RALYL: variants seen among roughly 807,000 people sequenced by gnomAD.
RALYL encodes RALY RNA binding protein like.
RALYL carries 29 observed loss-of-function variants against 35.1 expected under a neutral mutation model. That is an observed-to-expected ratio of 0.83 (90% confidence interval 0.61 to 1.13). The LOEUF (loss-of-function observed/expected upper bound fraction) is 1.13, where lower values mean the gene tolerates loss of function less well. Among genes scored for constraint, RALYL ranks in the 50% most tolerant of loss-of-function variants. The probability of loss-of-function intolerance (pLI) is 0.00; values close to 1 mark genes in which losing one functional copy is unlikely to be tolerated. For missense variants in RALYL, 359 were observed against 360.4 expected (o/e 1.00, Z 0.03); for synonymous variants, 120 against 127.6 (o/e 0.94, Z 0.40).
At chr8:84,444,146 TAG>T (rs2048620618) in intron 1 of RALYL, among the ~76,000 whole-genome samples, 1 of 151,932 alleles carries the variant, frequency 6.6e-6, no homozygotes, top group Non-Finnish European at 1.5e-5. Context: ...CTGGGCAACA[TAG>T]TGAGACTCCA....
chr8:84,553,424 T>C lies in RALYL; in HGVS notation c.256+23847T>C, dbSNP rs140321713. On this transcript the variant is annotated intron_variant, in intron 2 of 8. Coordinates refer to ENST00000521268, the MANE Select transcript of RALYL (RefSeq NM_173848.7). Reference sequence around the variant, plus strand: ...CTCCCATCTCAGCCTCCCAAAGTGATGGGATTACAGGTGTGAGCCACTGTC... The same window carrying C: ...CTCCCATCTCAGCCTCCCAAAGTGACGGGATTACAGGTGTGAGCCACTGTC... Among the ~76,000 whole-genome samples the C allele has an allele frequency of 4.6e-5, 7 of 152,294 alleles. No individual in the cohort carries two copies. In the East Asian group the frequency reaches 1.4e-3, roughly 29 times the overall value.
At chr8:84,900,173 A>T (rs538618550) in intron 8 of RALYL, among the ~76,000 whole-genome samples, 1 of 152,298 alleles carries the variant, frequency 6.6e-6, no homozygotes, top group East Asian at 1.9e-4. Flanking sequence ...CACAGGGGGA[A>T]GAGAACAGAA....
intron 1 of RALYL, among the ~76,000 whole-genome samples, chr8:84,351,519 G>A (rs1850879665): frequency 1.3e-5 from 2 of 149,468 alleles, no homozygotes; most frequent in South Asian, 2.1e-4. Flanking sequence ...GCTAGTTGAT[G>A]ATTGACTTGC....
At chr8:84,854,343 TA>T (rs1239109563) in intron 5 of RALYL, among the ~76,000 whole-genome samples, 1 of 143,756 alleles carries the variant, frequency 7.0e-6, no homozygotes, top group African/African-American at 2.5e-5. Flanking sequence ...AAACTCCGTC[TA>T]AAAAAAAGAA....
intron 1 of RALYL, among the ~76,000 whole-genome samples, chr8:84,434,891 A>G (rs937313666): frequency 3.3e-5 from 5 of 152,186 alleles, no homozygotes; most frequent in Non-Finnish European, 7.3e-5. Context: ...CAAACTGCTA[A>G]TATTGATTTG....
At chr8:84,494,944 A>G (rs1006333782) in intron 1 of RALYL, among the ~76,000 whole-genome samples, 2 of 152,106 alleles carry the variant, frequency 1.3e-5, no homozygotes, top group African/African-American at 4.8e-5. Context: ...GTTGAATAGG[A>G]GTGGCGAGAG....
chr8:84,613,753 A>C (rs1056454044), intron 2 of RALYL, among the ~76,000 whole-genome samples: 1 of 151,366 alleles, frequency 6.6e-6, no homozygotes, highest in Non-Finnish European at 1.5e-5. Context: ...TAAAGCATTA[A>C]CATCATTATA....
Position 84,599,809 on chromosome 8 carries a change from A to C in RALYL, c.256+70232A>C, listed in dbSNP as rs189991094. On this transcript the variant is annotated intron_variant, in intron 2 of 8. Coordinates refer to ENST00000521268, the MANE Select transcript of RALYL (RefSeq NM_173848.7). ...AAAGGAAATTTTATTTTAGCTATAC[A>C]CTTTTTAGATCTCTTTTTCTTCAAA... is the stretch of plus-strand genomic sequence containing the variant. Among the ~76,000 whole-genome samples the C allele has an allele frequency of 2.8e-3, 433 of 152,154 alleles. 2 individuals carry two copies. Among genetic ancestry groups the C allele is most frequent in the Non-Finnish European group, 4.7e-3 (322 of 67,984 alleles).
At chr8:84,211,886 T>C (rs1819576938) in intron 1 of RALYL, among the ~76,000 whole-genome samples, 1 of 152,090 alleles carries the variant, frequency 6.6e-6, no homozygotes, top group Admixed American at 6.6e-5. Context: ...TTATCAAAAA[T>C]TTATTTGGTA....
intron 2 of RALYL, among the ~76,000 whole-genome samples, chr8:84,707,452 C>A (rs1475293818): frequency 6.6e-6 from 1 of 151,958 alleles, no homozygotes; most frequent in African/African-American, 2.4e-5. Context: ...ATTATCAATG[C>A]CTTAATGCAC....
chr8:84,399,585 A>G (rs1024087298), intron 1 of RALYL, among the ~76,000 whole-genome samples: 9 of 152,218 alleles, frequency 5.9e-5, no homozygotes, highest in Non-Finnish European at 1.0e-4. Flanking sequence ...TTAACTCACC[A>G]CAAAGCCACA....
chr8:84,844,140 C>T (rs533331008), intron 4 of RALYL, among the ~76,000 whole-genome samples: 508 of 152,210 alleles, frequency 3.3e-3, no homozygotes, highest in Non-Finnish European at 5.6e-3. Flanking sequence ...AACTAAAGAG[C>T]TTCTGCACAG....
intron 1 of RALYL, among the ~76,000 whole-genome samples, chr8:84,372,895 T>TTTTTGTTTTGTTTTG (rs1856127351): frequency 2.4e-5 from 3 of 125,948 alleles, no homozygotes; most frequent in African/African-American, 9.2e-5. Flanking sequence ...TGTTTTTTTT[T>TTTTTGTTTTGTTTTG]TTTTTTTTTT....
intron 4 of RALYL, among the ~76,000 whole-genome samples, chr8:84,820,676 T>G (rs1779107104): frequency 6.6e-6 from 1 of 152,146 alleles, no homozygotes; most frequent in Non-Finnish European, 1.5e-5. Context: ...ATGCATTAGG[T>G]ATTTGTCCTA....
At chr8:84,651,407 G>T (rs895161697) in intron 2 of RALYL, among the ~76,000 whole-genome samples, 1 of 151,778 alleles carries the variant, frequency 6.6e-6, no homozygotes, top group African/African-American at 2.4e-5. Context: ...CACAAGCAGT[G>T]AAGATAAAAT....
chr8:84,490,831 A>T lies in RALYL; in HGVS notation c.-23-38468A>T, dbSNP rs2134034546. ...AGATTTCTGTGGGGAAAGCAAGGAC[A>T]TCTAGACTATTGGTAGAAGAATCCT... On this transcript the variant is annotated intron_variant, in intron 1 of 8. Coordinates refer to ENST00000521268, the MANE Select transcript of RALYL (RefSeq NM_173848.7). 4.0e-5 allele frequency among the ~76,000 whole-genome samples: 6 copies of T among 151,878 alleles called. 1 individual carries two copies. In the Middle Eastern group the frequency reaches 0.02, roughly 517 times the overall value.
chr8:84,327,811 C>A (rs1846092969), intron 1 of RALYL, among the ~76,000 whole-genome samples: 1 of 151,996 alleles, frequency 6.6e-6, no homozygotes, highest in Non-Finnish European at 1.5e-5. Flanking sequence ...TTTTGAAGAT[C>A]TTCATAGTTT....
chr8:84,677,793 T>TA (rs1834521379), intron 2 of RALYL, among the ~76,000 whole-genome samples: 1 of 152,242 alleles, frequency 6.6e-6, no homozygotes, highest in South Asian at 2.1e-4. Flanking sequence ...TGACTTTTTT[T>TA]ATGACATTTT....
intron 2 of RALYL, among the ~76,000 whole-genome samples, chr8:84,691,495 CA>C (rs1359975842): frequency 2.6e-5 from 4 of 152,008 alleles, no homozygotes; most frequent in African/African-American, 9.7e-5. Context: ...GAGAAAGATT[CA>C]AAAACAAAGA....
Sources: gnomAD v4.1 joint callset for allele counts (sites outside exome capture counted in the v4.1 genomes callset) on GRCh38, gnomAD v4.1.1 for gene constraint, MANE v1.5 for transcripts, NCBI Gene and HGNC (gene_info 2026-07-23, HGNC 2026-07-21) for gene names.